BICRA: variants seen among roughly 807,000 people sequenced by gnomAD.
BICRA encodes the protein BRD4 interacting chromatin remodeling complex associated protein, also known as BRD4-interacting chromatin-remodeling complex-associated protein.
Under a neutral mutation model 96.9 loss-of-function variants are expected in BICRA, and 31 were observed. The ratio of observed to expected loss-of-function variants is 0.32; its 90% CI spans 0.24 to 0.43. The LOEUF (loss-of-function observed/expected upper bound fraction) is 0.43. Ranked by LOEUF, BICRA falls within the 20% of genes least tolerant of loss-of-function variation. BICRA has a pLI of 1.00. For synonymous variants in BICRA, 1,350 were observed against 1,071.8 expected (o/e 1.26, Z -5.07); for missense variants, 2,283 against 2,190.3 (o/e 1.04, Z -0.84).
rs766572778 is a variant in BICRA at position 47,695,441 on chromosome 19, T to G, written c.3153T>G (p.Ala1051=). 1 of 1,576,612 alleles carries G rather than the reference T, an allele frequency of 6.3e-7. No individual in the cohort carries two copies. The highest frequency in any genetic ancestry group is 1.7e-5 in the Admixed American group (1 of 57,456). ...CGACCCTGAATGTGGCCAAGGCCGC[T>G]TCCTCCGGGCCAGGGAAGCCCTCCG... The part of the protein sequence containing the change: ...NLPTLNVAKA[A]SSGPGKPSGL... Residue 1051 remains alanine, a synonymous_variant, in exon 10 of 15, where the codon GCT becomes GCG. Transcript: ENST00000594866.
chr19:47,669,991 G>A (rs905491854), intron 1 of BICRA, among the ~76,000 whole-genome samples: 10 of 150,012 alleles, frequency 6.7e-5, no homozygotes, highest in African/African-American at 1.7e-4. Flanking sequence ...TCTCACTGTC[G>A]CCCAGGCTGG....
At chr19:47,611,165 C>A (rs1018273735) in intron 1 of BICRA, among the ~76,000 whole-genome samples, 1 of 152,122 alleles carries the variant, frequency 6.6e-6, no homozygotes, top group Non-Finnish European at 1.5e-5. Context: ...CAGCTTGGCT[C>A]AAAACTGTTA....
chr19:47,696,349 C>G, intron 10 of BICRA, 102 bp from the exon 11 acceptor site: 1 of 1,073,838 alleles, frequency 9.3e-7, no homozygotes, highest in South Asian at 1.5e-5. Context: ...GGGTGAGACA[C>G]TGGTCCCCTG....
chr19:47,647,501 C>T (rs537549966), intron 1 of BICRA, among the ~76,000 whole-genome samples: 2 of 152,196 alleles, frequency 1.3e-5, no homozygotes, highest in South Asian at 2.1e-4. Context: ...TATGAACATT[C>T]TAGAATGTGT....
rs1207087820 is a variant in BICRA, at chr19:47,701,435, T to G, written c.3703T>G (p.Ser1235Ala). The G allele has an allele frequency of 4.4e-6, 7 of 1,576,840 alleles. No homozygotes were observed. Among genetic ancestry groups the G allele is most frequent in the Non-Finnish European group, 5.2e-6 (6 of 1,162,536 alleles). ...GPLSSSAPGA[S>A]TQPPPHLPTK... ...CCTGTCGTCTTCAGCTCCCGGGGCCTCCACCCAGCCCCCTCCACACCTGCC... is the reference window on the plus strand; with the variant it reads ...CCTGTCGTCTTCAGCTCCCGGGGCCGCCACCCAGCCCCCTCCACACCTGCC... Residue 1235 changes from serine (S) to alanine (A), a missense_variant, in exon 15 of 15, where the codon TCC (serine) becomes GCC (alanine). Transcript: ENST00000594866. This position sits in a 1 kb window ranked among gnomAD's most constrained non-coding sequence, Gnocchi z 5.4.
Position 47,698,732 on chromosome 19 carries a change from C to G in BICRA, c.3347C>G (p.Pro1116Arg). The change falls in exon 12 of 15, where the codon CCC (proline) becomes CGC (arginine). Residue 1116 changes from proline to arginine, a missense_variant. Pro to Arg is a moderately radical substitution (Grantham distance 103). Transcript: ENST00000594866. The surrounding 1 kb of genome is among the most constrained non-coding windows in gnomAD (Gnocchi z 4.8). ...GAGGACGCCCTGCATCGCCTCCTGC[C>G]CTACCATGTCTACCAGGGCGCCCTC... ...SFEDALHRLL[P>R]YHVYQGALPS... The G allele has an allele frequency of 6.2e-7, 1 of 1,610,508 alleles. No homozygotes were observed. The highest frequency in any genetic ancestry group is 8.5e-7 in the Non-Finnish European group (1 of 1,176,992).
Position 47,681,096 on chromosome 19 carries a change from G to C in BICRA, c.1926G>C (p.Pro642=), listed in dbSNP as rs1183793553. The part of the protein sequence containing the change: ...STPLPLGLQQ[P]QAQQPPQAPT... ...CCCTGCCCCTGGGCCTCCAGCAGCCGCAGGCGCAGCAGCCCCCGCAGGCCC... is the reference window on the plus strand; with the variant it reads ...CCCTGCCCCTGGGCCTCCAGCAGCCCCAGGCGCAGCAGCCCCCGCAGGCCC... Residue 642 remains proline (P), a synonymous_variant, in exon 6 of 15, where the codon CCG becomes CCC. Coordinates refer to ENST00000594866, the MANE Select transcript of BICRA (RefSeq NM_001394372.1). 4 of 1,437,692 alleles carry C rather than the reference G, an allele frequency of 2.8e-6. No individual in the cohort carries two copies. Among genetic ancestry groups the C allele is most frequent in the Non-Finnish European group, 3.7e-6 (4 of 1,089,316 alleles). The allele number at this position is 1,437,692 out of a possible 1,614,324, so 89.1% of individuals were successfully genotyped here.
intron 1 of BICRA, among the ~76,000 whole-genome samples, chr19:47,645,559 G>A (rs891380326): frequency 4.6e-5 from 7 of 152,170 alleles, no homozygotes; most frequent in Non-Finnish European, 8.8e-5. Flanking sequence ...ACATGAAAAG[G>A]TCATAGAGGA....
chr19:47,640,370 A>G (rs934289516), intron 1 of BICRA, among the ~76,000 whole-genome samples: 1 of 151,950 alleles, frequency 6.6e-6, no homozygotes, highest in Non-Finnish European at 1.5e-5. Flanking sequence ...TCTCTACTAA[A>G]AATAGAAAAA....
chr19:47,646,979 C>T (rs1972469250), intron 1 of BICRA, among the ~76,000 whole-genome samples: 1 of 152,180 alleles, frequency 6.6e-6, no homozygotes, highest in South Asian at 2.1e-4. Flanking sequence ...CTCCAGCAAC[C>T]ACAAGTCTAC....
At chr19:47,657,235 G>A (rs190902360) in intron 1 of BICRA, among the ~76,000 whole-genome samples, 105 of 152,260 alleles carry the variant, frequency 6.9e-4, no homozygotes, top group Non-Finnish European at 1.0e-3. Context: ...TGCTCAGCAT[G>A]ATCCATTTAA....
intron 1 of BICRA, among the ~76,000 whole-genome samples, chr19:47,609,957 G>A (rs1365091034): frequency 2.4e-5 from 1 of 41,538 alleles, no homozygotes; most frequent in Admixed American, 1.9e-4. Flanking sequence ...GGAGGGGGCC[G>A]TTACGGGGGT....
At chr19:47,631,912 G>A (rs968655110) in intron 1 of BICRA, among the ~76,000 whole-genome samples, 4 of 152,222 alleles carry the variant, frequency 2.6e-5, no homozygotes, top group African/African-American at 7.2e-5. Flanking sequence ...CCCTCCCAAA[G>A]TGCTGGGATT....
At chr19:47,634,204 G>A (rs1324609489) in intron 1 of BICRA, among the ~76,000 whole-genome samples, 1 of 152,222 alleles carries the variant, frequency 6.6e-6, no homozygotes, top group Non-Finnish European at 1.5e-5. Flanking sequence ...GGCGGGAGGA[G>A]TGGGCAGTGC....
chr19:47,695,138 G>T (rs1599866414), intron 9 of BICRA, 58 bp downstream of exon 9: 2 of 1,123,424 alleles, frequency 1.8e-6, no homozygotes, highest in East Asian at 2.6e-5. Context: ...GGGTGGGCGG[G>T]GCTGAGCAGG....
At chr19:47,693,443 G>C (rs552726067) in intron 7 of BICRA, among the ~76,000 whole-genome samples, 14 of 152,348 alleles carry the variant, frequency 9.2e-5, no homozygotes, top group African/African-American at 3.4e-4. Context: ...CACAGAGGCA[G>C]GTGCCCAGGA....
At chr19:47,657,310 G>A (rs576677116) in intron 1 of BICRA, among the ~76,000 whole-genome samples, 6 of 152,224 alleles carry the variant, frequency 3.9e-5, no homozygotes, top group African/African-American at 9.6e-5. Context: ...GTATTCTGTC[G>A]TGTGGATGTA....
chr19:47,650,282 G>A (rs1318727476), intron 1 of BICRA, among the ~76,000 whole-genome samples: 1 of 152,086 alleles, frequency 6.6e-6, no homozygotes, highest in East Asian at 1.9e-4. Context: ...ACAGGCACCT[G>A]CCACCACCCC....
chr19:47,613,241 G>C (rs1971935807), intron 1 of BICRA, among the ~76,000 whole-genome samples: 1 of 152,096 alleles, frequency 6.6e-6, no homozygotes, highest in Non-Finnish European at 1.5e-5. Context: ...GGTTCCCGTG[G>C]GCCACCTTGT....
Sources: gnomAD v4.1 joint callset for allele counts (sites outside exome capture counted in the v4.1 genomes callset) on GRCh38, gnomAD v4.1.1 for gene constraint, Gnocchi (gnomAD v3.1) non-coding constraint, MANE v1.5 for transcripts, NCBI Gene and HGNC (gene_info 2026-07-23, HGNC 2026-07-21) for gene names.